The following DCC variants were observed in gnomAD, a reference collection of about 807,000 sequenced individuals.
The protein encoded by DCC is DCC netrin 1 receptor.
DCC carries 58 observed loss-of-function variants against 172.5 expected under a neutral mutation model. That is an observed-to-expected ratio of 0.34 (90% CI 0.27 to 0.42). The LOEUF (loss-of-function observed/expected upper bound fraction) is 0.42. Ranked by LOEUF, DCC falls within the 10% of genes least tolerant of loss-of-function variation. DCC has a pLI of 1.00. For synonymous variants in DCC, 709 were observed against 644.5 expected (o/e 1.10, Z -1.52); for missense variants, 1,740 against 1,791.0 (o/e 0.97, Z 0.51).
chr18:52,380,829 T>C (rs981606491), intron 1 of DCC, among the ~76,000 whole-genome samples: 1 of 152,098 alleles, frequency 6.6e-6, no homozygotes. Context: ...CCTGGCCATA[T>C]GGGGCTGGCC....
At chr18:53,455,300 C>T (rs565271968) in intron 23 of DCC, among the ~76,000 whole-genome samples, 4 of 152,184 alleles carry the variant, frequency 2.6e-5, no homozygotes, top group East Asian at 3.9e-4. Context: ...TGCCTGAGTC[C>T]GTAGTGGAAA....
chr18:52,503,076 A>G (rs1185826361), intron 1 of DCC, among the ~76,000 whole-genome samples: 2 of 152,210 alleles, frequency 1.3e-5, no homozygotes. Flanking sequence ...CAAATCACAG[A>G]GGATCTACTT....
chr18:52,556,421 T>C (rs1341754475), intron 1 of DCC, among the ~76,000 whole-genome samples: 2 of 152,058 alleles, frequency 1.3e-5, no homozygotes, highest in African/African-American at 2.4e-5. Flanking sequence ...GTAGGTTAGA[T>C]AGAGTGGTCA....
At chr18:52,947,195 A>G (rs1451679705) in intron 5 of DCC, among the ~76,000 whole-genome samples, 5 of 152,226 alleles carry the variant, frequency 3.3e-5, no homozygotes, top group Admixed American at 3.3e-4. Context: ...TATCCCTAGA[A>G]AAACAGGGTT....
Position 52,749,093 on chromosome 18 carries a change from G to C in DCC, c.92-2961G>C, listed in dbSNP as rs368677956. On this transcript the variant is annotated intron_variant, in intron 1 of 28. Transcript: ENST00000442544. ...CGCATGCCTGTAATCCCAGTTACTG[G>C]GGAAGCTGAGGCAGGAGAGTCACCT... Among the ~76,000 whole-genome samples the C allele has an allele frequency of 9.9e-5, 15 of 152,214 alleles. No individual in the cohort carries two copies. In the East Asian group the frequency reaches 1.5e-3, roughly 16 times the overall value.
At chr18:52,453,115 C>A (rs1051940981) in intron 1 of DCC, among the ~76,000 whole-genome samples, 5 of 152,180 alleles carry the variant, frequency 3.3e-5, no homozygotes, top group Admixed American at 1.3e-4. Context: ...CTCTCTATCA[C>A]CAAAACATAT....
intron 7 of DCC, among the ~76,000 whole-genome samples, chr18:53,123,071 C>A (rs527758627): frequency 6.6e-6 from 1 of 151,982 alleles, no homozygotes; most frequent in Non-Finnish European, 1.5e-5. Context: ...CCTCAAGAAG[C>A]TTATATTCCA....
chr18:52,842,519 C>T (rs549233034), intron 2 of DCC, among the ~76,000 whole-genome samples: 29 of 152,254 alleles, frequency 1.9e-4, no homozygotes, highest in African/African-American at 6.7e-4. Flanking sequence ...TGGGGAGGGT[C>T]ATCTGCTCAC....
At chr18:52,354,767 T>C (rs979947854) in intron 1 of DCC, among the ~76,000 whole-genome samples, 1 of 152,222 alleles carries the variant, frequency 6.6e-6, no homozygotes, top group African/African-American at 2.4e-5. Context: ...GTTCAGGATA[T>C]TGTAAATTTC....
rs554170115 is a variant in DCC, at chr18:53,136,220, T to C, written c.1262-21136T>C. On this transcript the variant is annotated intron_variant, in intron 7 of 28. Coordinates refer to ENST00000442544, the MANE Select transcript of DCC (RefSeq NM_005215.4). Reference sequence around the variant, plus strand: ...ATCTATCTATCTATCTATATATATATACACACACACACACATACATGCATA... The same window carrying C: ...ATCTATCTATCTATCTATATATATACACACACACACACACATACATGCATA... Among the ~76,000 whole-genome samples, 172 of 151,012 alleles carry C rather than the reference T, an allele frequency of 1.1e-3. 1 individual carries two copies. In the South Asian group the frequency reaches 0.015, roughly 13 times the overall value.
rs568783766 is a variant in DCC at position 52,378,467 on chromosome 18, A to G, written c.91+37589A>G. Among the ~76,000 whole-genome samples the G allele has an allele frequency of 1.4e-4, 21 of 152,190 alleles. No individual in the cohort carries two copies. In the South Asian group the frequency reaches 3.9e-3, roughly 29 times the overall value. On this transcript the variant is annotated intron_variant, in intron 1 of 28. Coordinates refer to ENST00000442544, the MANE Select transcript of DCC (RefSeq NM_005215.4). ...AACATAAGATAAATATATACAGTGG[A>G]CTTTACACTTCAGGGAGTATAATCT...
chr18:52,451,080 C>T (rs1301614579), intron 1 of DCC, among the ~76,000 whole-genome samples: 2 of 152,148 alleles, frequency 1.3e-5, no homozygotes, highest in African/African-American at 4.8e-5. Flanking sequence ...ATTAGAATTT[C>T]ACTGTGGGCA....
intron 7 of DCC, among the ~76,000 whole-genome samples, chr18:53,095,238 C>T (rs2144195934): frequency 6.6e-6 from 1 of 152,226 alleles, no homozygotes; most frequent in East Asian, 1.9e-4. Flanking sequence ...TGCTTAACCA[C>T]AGAATGAAGT....
chr18:52,946,664 A>G (rs1459392933), intron 5 of DCC, among the ~76,000 whole-genome samples: 4 of 152,150 alleles, frequency 2.6e-5, no homozygotes, highest in African/African-American at 9.7e-5. Context: ...CACAATGCAA[A>G]CACATTTCAG....
intron 1 of DCC, among the ~76,000 whole-genome samples, chr18:52,486,227 A>G (rs1185829507): frequency 6.6e-6 from 1 of 152,132 alleles, no homozygotes; most frequent in Admixed American, 6.6e-5. Context: ...AAGACTTACT[A>G]AAGCCAGATG....
chr18:53,257,449 T>C (rs552798583), intron 12 of DCC, among the ~76,000 whole-genome samples: 3 of 152,340 alleles, frequency 2.0e-5, no homozygotes, highest in Admixed American at 6.5e-5. Context: ...CAAAGGCCTT[T>C]TCTGCATCTA....
At chr18:52,944,486 C>G (rs2040511219) in intron 5 of DCC, among the ~76,000 whole-genome samples, 1 of 152,100 alleles carries the variant, frequency 6.6e-6, no homozygotes, top group East Asian at 1.9e-4. Context: ...AGAGAAGTCC[C>G]AGTTTTTCTT....
chr18:53,092,538 G>A (rs1362076099), intron 7 of DCC, among the ~76,000 whole-genome samples: 2 of 152,038 alleles, frequency 1.3e-5, no homozygotes, highest in East Asian at 3.9e-4. Flanking sequence ...TCCATTTTAT[G>A]AATAAAAATC....
At chr18:52,834,389 C>T (rs2038667148) in intron 2 of DCC, among the ~76,000 whole-genome samples, 1 of 152,200 alleles carries the variant, frequency 6.6e-6, no homozygotes, top group African/African-American at 2.4e-5. Flanking sequence ...GAAGTTTCTA[C>T]TTTAAATTTA....
Sources: gnomAD v4.1 joint callset for allele counts (sites outside exome capture counted in the v4.1 genomes callset) on GRCh38, gnomAD v4.1.1 for gene constraint, MANE v1.5 for transcripts, NCBI Gene and HGNC (gene_info 2026-07-23, HGNC 2026-07-21) for gene names.